Variants in AFF1 observed in about 807,000 individuals in gnomAD.
The protein encoded by AFF1 is AF4/FMR2 family member 1.
A neutral mutation model predicts 121.7 loss-of-function variants in AFF1; 48 were observed. The ratio of observed to expected loss-of-function variants is 0.39; its 90% CI spans 0.31 to 0.50. The LOEUF (loss-of-function observed/expected upper bound fraction) is 0.50. Ranked by LOEUF, AFF1 falls within the 20% of genes least tolerant of loss-of-function variation. The pLI is 0.76. For missense variants in AFF1, 1,523 were observed against 1,511.7 expected (o/e 1.01, Z -0.12); for synonymous variants, 613 against 563.0 (o/e 1.09, Z -1.26).
intron 13 of AFF1, 40 bp downstream of exon 13, chr4:87,125,183 C>A: frequency 6.7e-7 from 1 of 1,500,640 alleles, no homozygotes; most frequent in South Asian, 1.3e-5. Flanking sequence ...CTACGGTGAT[C>A]AACACTTCTT....
chr4:86,987,998 G>A (rs189982956), intron 2 of AFF1, among the ~76,000 whole-genome samples: 28 of 132,476 alleles, frequency 2.1e-4, no homozygotes, highest in Middle Eastern at 3.9e-3. Flanking sequence ...TGTTATTCCC[G>A]CCCACCCCCC....
intron 2 of AFF1, among the ~76,000 whole-genome samples, chr4:86,982,529 G>A (rs979600630): frequency 1.3e-5 from 2 of 150,758 alleles, no homozygotes; most frequent in Admixed American, 1.3e-4. Flanking sequence ...TAGGTCATGA[G>A]GGTGGAACCT....
chr4:87,031,617 A>G (rs1578106717), intron 2 of AFF1, among the ~76,000 whole-genome samples: 4 of 152,352 alleles, frequency 2.6e-5, no homozygotes, highest in Admixed American at 2.6e-4. Flanking sequence ...AGAAAGCCAT[A>G]GATAAATGCA....
rs559747969 is a variant in AFF1, at chr4:87,052,675, T to G, written c.1059+5081T>G. On this transcript the variant is annotated intron_variant, in intron 4 of 20. Transcript: ENST00000395146. Reference sequence around the variant, plus strand: ...GTAACTCTGGCTTCTGGGTGGGAAATGGATGAGAGGGGCAAAGGTGGAAGC... The same window carrying G: ...GTAACTCTGGCTTCTGGGTGGGAAAGGGATGAGAGGGGCAAAGGTGGAAGC... Among the ~76,000 whole-genome samples the G allele has an allele frequency of 1.9e-4, 29 of 151,160 alleles. 1 individual carries two copies. In the South Asian group the frequency reaches 6.1e-3, roughly 32 times the overall value.
intron 2 of AFF1, among the ~76,000 whole-genome samples, chr4:86,996,662 A>G (rs1725234335): frequency 6.6e-6 from 1 of 152,038 alleles, no homozygotes; most frequent in East Asian, 1.9e-4. Flanking sequence ...CCTTCCCTCC[A>G]CTATTGTCCT....
chr4:87,007,015 G>A lies in AFF1; in HGVS notation c.39-39151G>A, dbSNP rs1032039084. The A allele has an allele frequency of 4.4e-6, 5 of 1,123,848 alleles. No individual in the cohort carries two copies. In the African/African-American group the frequency reaches 6.5e-5, roughly 15 times the overall value. The allele number at this position is 1,123,848 out of a possible 1,614,324, so 69.6% of individuals were successfully genotyped here. On this transcript the variant is annotated intron_variant, in intron 2 of 20. Transcript: ENST00000395146. ...CAATTTCTTTTCCTTTCTAACTGTG[G>A]CCCGCGTTGTGCTGTTGCTGGGCAG...
chr4:87,006,494 C>A (rs1726131180), intron 2 of AFF1, among the ~76,000 whole-genome samples: 1 of 152,066 alleles, frequency 6.6e-6, no homozygotes, highest in African/African-American at 2.4e-5. Flanking sequence ...ACGTGTAGTC[C>A]AAAAAAGGCG....
chr4:87,000,010 A>G (rs1278425849), intron 2 of AFF1, among the ~76,000 whole-genome samples: 1 of 152,198 alleles, frequency 6.6e-6, no homozygotes, highest in East Asian at 1.9e-4. Context: ...CAAAGGGGCA[A>G]GGAGCCAACC....
At chr4:87,072,500 CTTGTA>C (rs1335956530) in intron 4 of AFF1, among the ~76,000 whole-genome samples, 1 of 150,914 alleles carries the variant, frequency 6.6e-6, no homozygotes, top group African/African-American at 2.4e-5. Context: ...TAGTCTGCCC[CTTGTA>C]TTTATTTATT....
intron 7 of AFF1, among the ~76,000 whole-genome samples, chr4:87,092,690 T>C (rs1010704841): frequency 6.6e-6 from 1 of 152,200 alleles, no homozygotes; most frequent in Non-Finnish European, 1.5e-5. Context: ...TAAAATTTGC[T>C]GTTCCCTGCT....
At chr4:87,075,656 T>C (rs191495446) in intron 4 of AFF1, among the ~76,000 whole-genome samples, 45 of 152,320 alleles carry the variant, frequency 3.0e-4, no homozygotes, top group African/African-American at 1.1e-3. Context: ...CCAAACTGCA[T>C]TTAGGCAACT....
chr4:87,054,758 G>T (rs1456632823), intron 4 of AFF1, among the ~76,000 whole-genome samples: 2 of 152,168 alleles, frequency 1.3e-5, no homozygotes, highest in Non-Finnish European at 1.5e-5. Context: ...AACCTGAAAA[G>T]ATCTAAATAT....
chr4:87,096,580 C>G (rs912309202), intron 8 of AFF1, among the ~76,000 whole-genome samples: 1 of 151,306 alleles, frequency 6.6e-6, no homozygotes, highest in African/African-American at 2.4e-5. Flanking sequence ...TGCTTTGTTG[C>G]CTAGGTTGGA....
In AFF1 at chr4:87,117,956, T is replaced by G. The variant is rs1486980222; in HGVS notation, c.2466+2657T>G. Reference sequence around the variant, plus strand: ...CAGCAGTGTGTGGGCCTGCTCTCCATGGCAGAGACAGGGCTGTGAAGCTTG... The same window carrying G: ...CAGCAGTGTGTGGGCCTGCTCTCCAGGGCAGAGACAGGGCTGTGAAGCTTG... On this transcript the variant is annotated intron_variant, in intron 12 of 20. Transcript: ENST00000395146. Among the ~76,000 whole-genome samples, 3 of 152,218 alleles carry G rather than the reference T, an allele frequency of 2.0e-5. No individual in the cohort carries two copies. In the East Asian group the frequency reaches 5.8e-4, roughly 29 times the overall value.
At chr4:87,032,424 G>A (rs745378735) in intron 2 of AFF1, among the ~76,000 whole-genome samples, 5 of 152,082 alleles carry the variant, frequency 3.3e-5, no homozygotes, top group Admixed American at 1.3e-4. Flanking sequence ...ATAACCAAAG[G>A]GAAAGATAAC....
intron 6 of AFF1, among the ~76,000 whole-genome samples, chr4:87,091,018 C>T: frequency 1.3e-5 from 1 of 79,744 alleles, no homozygotes; most frequent in South Asian, 4.5e-4. Flanking sequence ...GTCTCTCTAC[C>T]ACCAAAAAAA....
chr4:86,950,180 G>T, intron 2 of AFF1: 1 of 1,408,398 alleles, frequency 7.1e-7, no homozygotes, highest in Non-Finnish European at 1.0e-6. Flanking sequence ...TCATCCCGAG[G>T]TATTATTATT....
intron 4 of AFF1, among the ~76,000 whole-genome samples, chr4:87,049,079 TAAA>T (rs869134642): frequency 0.042 from 2,776 of 65,610 alleles, 88 homozygotes; most frequent in African/African-American, 0.15. Context: ...GTTCCCAGTT[TAAA>T]AAAAAAAAAA....
intron 2 of AFF1, among the ~76,000 whole-genome samples, chr4:86,974,271 C>T (rs186169422): frequency 6.6e-6 from 1 of 152,270 alleles, no homozygotes; most frequent in East Asian, 1.9e-4. Flanking sequence ...CCTCAGCCTC[C>T]CAAGTGGCTG....
Sources: gnomAD v4.1 joint callset for allele counts (sites outside exome capture counted in the v4.1 genomes callset) on GRCh38, gnomAD v4.1.1 for gene constraint, MANE v1.5 for transcripts, NCBI Gene and HGNC (gene_info 2026-07-23, HGNC 2026-07-21) for gene names.